PCDH9: variants seen among roughly 807,000 people sequenced by gnomAD.
The protein encoded by PCDH9 is protocadherin 9.
A neutral mutation model predicts 70.6 loss-of-function variants in PCDH9; 24 were observed. The ratio of observed to expected loss-of-function variants is 0.34; its 90% CI spans 0.25 to 0.48. The LOEUF (loss-of-function observed/expected upper bound fraction) is 0.48, where lower values mean the gene tolerates loss of function less well. Ranked by LOEUF, PCDH9 falls within the 20% of genes least tolerant of loss-of-function variation. The pLI, the probability that PCDH9 is intolerant of heterozygous loss-of-function variation, is 0.99. For synonymous variants in PCDH9, 562 were observed against 558.5 expected (o/e 1.01, Z -0.09); for missense variants, 1,281 against 1,503.6 (o/e 0.85, Z 2.45).
intron 2 of PCDH9, among the ~76,000 whole-genome samples, chr13:66,987,586 C>T (rs915262744): frequency 5.3e-5 from 8 of 151,958 alleles, no homozygotes; most frequent in Non-Finnish European, 1.2e-4. Context: ...ATACGCACCT[C>T]ATTTTTTTAA....
At chr13:67,042,042 C>T (rs1267200472) in intron 2 of PCDH9, among the ~76,000 whole-genome samples, 2 of 151,970 alleles carry the variant, frequency 1.3e-5, no homozygotes, top group Admixed American at 6.6e-5. Context: ...TACCAAAGCC[C>T]ATGTTTCTAG....
rs1555262846 is a variant in PCDH9, at chr13:66,730,876, G to GTGTTTTT, written c.3139-99466_3139-99465insAAAAACA. 5.4e-3 allele frequency among the ~76,000 whole-genome samples: 250 copies of GTGTTTTT among 46,328 alleles called. 6 individuals carry two copies. Among genetic ancestry groups the GTGTTTTT allele is most frequent in the South Asian group, 8.5e-3 (6 of 702 alleles). The allele number at this position is 46,328 out of a possible 152,430, so 30.4% of individuals were successfully genotyped here. On this transcript the variant is annotated intron_variant, in intron 3 of 4. Transcript: ENST00000377865. ...TGTTTTTGTTTTTTTGTGTGTGTGT[G>GTGTTTTT]TTTTTTTTTTGTTTGTTTCTTTTTT...
chr13:67,000,080 C>G (rs973768679), intron 2 of PCDH9, among the ~76,000 whole-genome samples: 6 of 152,036 alleles, frequency 3.9e-5, no homozygotes, highest in African/African-American at 1.5e-4. Flanking sequence ...TTGGAACCAA[C>G]CCAAATGTCC....
rs1379961237 is a variant in PCDH9, at chr13:67,225,762, A to G, written c.2679T>C (p.Asp893=). ...NFVTIEESKP[D]DAVHEPINGT... ...CATTGATAGGTTCATGAACTGCATC[A>G]TCGGGTTTGGACTCTTCGATAGTAA... Residue 893 remains aspartate, a synonymous_variant, in exon 2 of 5, where the codon GAT becomes GAC. Coordinates refer to ENST00000377865, the MANE Select transcript of PCDH9 (RefSeq NM_203487.3). 6.2e-7 allele frequency: 1 copy of G among 1,614,164 alleles called. No individual in the cohort carries two copies. Among genetic ancestry groups the G allele is most frequent in the South Asian group, 1.1e-5 (1 of 91,078 alleles).
intron 4 of PCDH9, among the ~76,000 whole-genome samples, chr13:66,591,216 A>G (rs2077035127): frequency 6.6e-6 from 1 of 151,762 alleles, no homozygotes; most frequent in Admixed American, 6.6e-5. Flanking sequence ...TTGATATTAG[A>G]CCTAGTTTAT....
chr13:66,540,693 A>T (rs561186394), intron 4 of PCDH9, among the ~76,000 whole-genome samples: 1 of 152,172 alleles, frequency 6.6e-6, no homozygotes, highest in East Asian at 1.9e-4. Flanking sequence ...TAACTGGTTG[A>T]CCCCCTTTGG....
In PCDH9 at chr13:66,333,196, T is replaced by C. The variant is rs1249606968; in HGVS notation, c.3341-28168A>G. ...ATCTAAGGTAAGAGAAATAAGCAAGTAGTATGTGTAGATTTGAAGGAACAA... is the reference window on the plus strand; with the variant it reads ...ATCTAAGGTAAGAGAAATAAGCAAGCAGTATGTGTAGATTTGAAGGAACAA... On this transcript the variant is annotated intron_variant, in intron 4 of 4. Coordinates refer to ENST00000377865, the MANE Select transcript of PCDH9 (RefSeq NM_203487.3). Among the ~76,000 whole-genome samples, 3 of 152,122 alleles carry C rather than the reference T, an allele frequency of 2.0e-5. No homozygotes were observed. In the East Asian group the frequency reaches 5.8e-4, roughly 29 times the overall value.
At chr13:66,729,346 A>G (rs1032991979) in intron 3 of PCDH9, among the ~76,000 whole-genome samples, 1 of 152,176 alleles carries the variant, frequency 6.6e-6, no homozygotes, top group African/African-American at 2.4e-5. Context: ...TACAGTTAGT[A>G]CAATAGACAA....
At chr13:66,508,670 A>C (rs1488176403) in intron 4 of PCDH9, among the ~76,000 whole-genome samples, 1 of 152,198 alleles carries the variant, frequency 6.6e-6, no homozygotes, top group Non-Finnish European at 1.5e-5. Context: ...TCATAAAAAA[A>C]AACAACACCA....
At chr13:66,996,379 A>G (rs1013191802) in intron 2 of PCDH9, 7 of 152,170 alleles carry the variant, frequency 4.6e-5, no homozygotes, top group African/African-American at 1.7e-4. Flanking sequence ...AGCACAGGAT[A>G]GTTGGGATTC....
intron 4 of PCDH9, among the ~76,000 whole-genome samples, chr13:66,391,296 G>A (rs1957013500): frequency 6.6e-6 from 1 of 152,174 alleles, no homozygotes; most frequent in Non-Finnish European, 1.5e-5. Context: ...CTACTGACAA[G>A]CTATGCAATT....
At chr13:66,840,387 C>A (rs894392281) in intron 3 of PCDH9, among the ~76,000 whole-genome samples, 1 of 152,160 alleles carries the variant, frequency 6.6e-6, no homozygotes, top group African/African-American at 2.4e-5. Flanking sequence ...TATTCAAATA[C>A]ATCTTGACTT....
intron 4 of PCDH9, among the ~76,000 whole-genome samples, chr13:66,526,337 A>G (rs1960215008): frequency 6.6e-6 from 1 of 152,116 alleles, no homozygotes; most frequent in African/African-American, 2.4e-5. Context: ...CGAGAATAAG[A>G]CTATTGAGTC....
At chr13:66,816,964 T>C (rs2080617402) in intron 3 of PCDH9, among the ~76,000 whole-genome samples, 2 of 149,982 alleles carry the variant, frequency 1.3e-5, no homozygotes, top group South Asian at 4.2e-4. Flanking sequence ...TCTGCATCCT[T>C]GAATTCAACC....
intron 2 of PCDH9, among the ~76,000 whole-genome samples, chr13:66,942,036 G>A (rs1352766424): frequency 6.6e-6 from 1 of 151,776 alleles, no homozygotes; most frequent in Non-Finnish European, 1.5e-5. Flanking sequence ...TCAAATATTT[G>A]TAAACGAAGT....
rs572245100 is a variant in PCDH9, at chr13:66,683,460, C to A, written c.3139-52049G>T. Reference sequence around the variant, plus strand: ...TAAACAGCCACTGGGATAATGCTATCTCATTTAGCTACTGCAAGAACCCTC... The same window carrying A: ...TAAACAGCCACTGGGATAATGCTATATCATTTAGCTACTGCAAGAACCCTC... On this transcript the variant is annotated intron_variant, in intron 3 of 4. Transcript: ENST00000377865. 2.0e-5 allele frequency among the ~76,000 whole-genome samples: 3 copies of A among 152,296 alleles called. No homozygotes were observed. The South Asian group carries it at 6.2e-4, about 32-fold the overall frequency.
intron 3 of PCDH9, among the ~76,000 whole-genome samples, chr13:66,879,544 T>A (rs1031702250): frequency 6.6e-6 from 1 of 152,170 alleles, no homozygotes; most frequent in Non-Finnish European, 1.5e-5. Context: ...GATGACATGA[T>A]AGCTTTGGAA....
chr13:66,719,595 C>T (rs2078915245), intron 3 of PCDH9, among the ~76,000 whole-genome samples: 3 of 152,086 alleles, frequency 2.0e-5, no homozygotes, highest in South Asian at 4.1e-4. Context: ...TTTTTTAATA[C>T]ATTATCCAGT....
At chr13:67,051,382 A>ATTTTTTTTTTTTTTTTTTTTT (rs567408801) in intron 2 of PCDH9, among the ~76,000 whole-genome samples, 3 of 70,996 alleles carry the variant, frequency 4.2e-5, no homozygotes, top group African/African-American at 6.3e-5. Flanking sequence ...ACAATACAAG[A>ATTTTTTTTTTTTTTTTTTTTT]TTTTTTTTTT....
Sources: gnomAD v4.1 joint callset for allele counts (sites outside exome capture counted in the v4.1 genomes callset) on GRCh38, gnomAD v4.1.1 for gene constraint, MANE v1.5 for transcripts, NCBI Gene and HGNC (gene_info 2026-07-23, HGNC 2026-07-21) for gene names.